Variants in RGP1 observed in about 807,000 individuals in gnomAD.
RGP1 encodes the protein RAB6A-GEF complex partner protein 2.
A neutral mutation model predicts 44.5 loss-of-function variants in RGP1; 28 were observed. The ratio of observed to expected loss-of-function variants is 0.63; its 90% CI spans 0.47 to 0.86. The LOEUF is 0.86. Ranked by LOEUF, RGP1 falls within the 40% of genes least tolerant of loss-of-function variation. The pLI is 0.00. For synonymous variants in RGP1, 212 were observed against 196.7 expected (o/e 1.08, Z -0.65); for missense variants, 417 against 490.7 (o/e 0.85, Z 1.42).
Position 35,755,092 on chromosome 9 carries a change from T to C in RGP1, c.*2218T>C, listed in dbSNP as rs1469211411. On this transcript the variant is annotated 3_prime_UTR_variant, in exon 9 of 9. Coordinates refer to ENST00000378078, the MANE Select transcript of RGP1 (RefSeq NM_001080496.3). ...TTCTGGAGGAGCCCAGGATGGATTA[T>C]TGAGAGCATGGGCTGTAGAGACAGT... The C allele has an allele frequency of 1.3e-5, 2 of 152,260 alleles. No homozygotes were observed. Among genetic ancestry groups the C allele is most frequent in the African/African-American group, 2.4e-5 (1 of 41,468 alleles). The allele number at this position is 152,260 out of a possible 1,614,324, so 9.4% of individuals were successfully genotyped here. A position where few individuals can be genotyped will look rare whatever the true frequency, so the allele number is the denominator to read the frequency against.
the RGP1 span, among the ~76,000 whole-genome samples, chr9:35,775,560 G>C: frequency 2.0e-5 from 3 of 152,092 alleles, no homozygotes; most frequent in East Asian, 5.8e-4. Flanking sequence ...ATCTGTGGAG[G>C]GAATGGGAAG....
chr9:35,766,446 T>A, the RGP1 span, among the ~76,000 whole-genome samples: 5 of 152,204 alleles, frequency 3.3e-5, no homozygotes, highest in African/African-American at 1.2e-4. Flanking sequence ...TTATTTTCTT[T>A]ATAGTGTCTT....
At chr9:35,787,246 T>C in the RGP1 span, among the ~76,000 whole-genome samples, 4 of 152,198 alleles carry the variant, frequency 2.6e-5, no homozygotes, top group Non-Finnish European at 5.9e-5. Context: ...CCCTTTTTTT[T>C]TGAGATGGAG....
Position 35,749,529 on chromosome 9 carries a change from G to T in RGP1, c.-20+121G>T. 5 of 678,048 alleles carry T rather than the reference G, an allele frequency of 7.4e-6. No individual in the cohort carries two copies. Among genetic ancestry groups the T allele is most frequent in the Non-Finnish European group, 1.4e-5 (5 of 361,764 alleles). The allele number at this position is 678,048 out of a possible 1,614,324, so 42.0% of individuals were successfully genotyped here. ...AAGAACCCGTCGCACAGGGGCTGGG[G>T]TCTAGGGCCCAGAGCGATGTCCTCC... On this transcript the variant is annotated intron_variant, in intron 1 of 8. Transcript: ENST00000378078. This position sits in a 1 kb window ranked among gnomAD's most constrained non-coding sequence, Gnocchi z 4.4.
Position 35,753,788 on chromosome 9 carries a change from GT to G in RGP1, c.*916del. ...AGGGGGCTAGGGAAGAACGGGAAAT[GT>G]TAGTAGGTGTAGGAGTGCTGATGAG... is the stretch of plus-strand genomic sequence containing the variant. On this transcript the variant is annotated 3_prime_UTR_variant, in exon 9 of 9. Coordinates refer to ENST00000378078, the MANE Select transcript of RGP1 (RefSeq NM_001080496.3). This position sits in a 1 kb window ranked among gnomAD's most constrained non-coding sequence, Gnocchi z 4.2. 6.2e-7 allele frequency: 1 copy of G among 1,605,172 alleles called. No homozygotes were observed. The highest frequency in any genetic ancestry group is 1.1e-5 in the South Asian group (1 of 90,802).
At position 35,756,491 on chromosome 9, in the gene RGP1, A is replaced by C. The variant is rs895269395; in HGVS notation, c.*3617A>C. The C allele has an allele frequency of 9.2e-5, 14 of 152,240 alleles. No homozygotes were observed. Among genetic ancestry groups the C allele is most frequent in the Non-Finnish European group, 1.8e-4 (12 of 68,222 alleles). The allele number at this position is 152,240 out of a possible 1,614,324, so 9.4% of individuals were successfully genotyped here. On this transcript the variant is annotated 3_prime_UTR_variant, in exon 9 of 9. Coordinates refer to ENST00000378078, the MANE Select transcript of RGP1 (RefSeq NM_001080496.3). Reference sequence around the variant, plus strand: ...CGTTTCAGAGGATTGCCAAGAAAAAACTCACAGTTGAGGCAGGGTGCTCTG... The same window carrying C: ...CGTTTCAGAGGATTGCCAAGAAAAACCTCACAGTTGAGGCAGGGTGCTCTG...
At chr9:35,766,044 A>G in the RGP1 span, among the ~76,000 whole-genome samples, 1 of 151,160 alleles carries the variant, frequency 6.6e-6, no homozygotes, top group African/African-American at 2.4e-5. Flanking sequence ...CATGTTAGCC[A>G]GGATGATCTC....
downstream of RGP1, among the ~76,000 whole-genome samples, chr9:35,761,499 T>A: frequency 6.6e-6 from 1 of 152,036 alleles, no homozygotes; most frequent in East Asian, 1.9e-4. Flanking sequence ...GACAAAACCC[T>A]GTCTCTACAA....
the RGP1 span, among the ~76,000 whole-genome samples, chr9:35,770,599 G>A: frequency 2.0e-5 from 3 of 151,704 alleles, no homozygotes; most frequent in Non-Finnish European, 4.4e-5. Context: ...CCCAGGGGCA[G>A]GTAGAGAAGG....
the RGP1 span, among the ~76,000 whole-genome samples, chr9:35,787,239 T>C: frequency 1.4e-5 from 2 of 138,254 alleles, no homozygotes; most frequent in African/African-American, 6.8e-5. Flanking sequence ...CGCTGCCCCC[T>C]TTTTTTTTGA....
chr9:35,787,483 GC>G, the RGP1 span, among the ~76,000 whole-genome samples: 1 of 152,208 alleles, frequency 6.6e-6, no homozygotes, highest in Non-Finnish European at 1.5e-5. Context: ...GCCTGCCTTG[GC>G]CTCCCAAAGT....
At chr9:35,769,655 A>G in the RGP1 span, among the ~76,000 whole-genome samples, 1 of 152,208 alleles carries the variant, frequency 6.6e-6, no homozygotes. Context: ...AGAAAGTTTC[A>G]GGCAGAAGGA....
At chr9:35,785,844 A>C in the RGP1 span, among the ~76,000 whole-genome samples, 1 of 151,930 alleles carries the variant, frequency 6.6e-6, no homozygotes, top group South Asian at 2.1e-4. Context: ...TCGGCCACCA[A>C]ATTCTGTTGT....
the RGP1 span, among the ~76,000 whole-genome samples, chr9:35,787,767 T>A: frequency 3.9e-4 from 60 of 152,262 alleles, no homozygotes; most frequent in Non-Finnish European, 7.1e-4. Context: ...TTTTTCTACA[T>A]TACTTTCTCC....
chr9:35,749,696 T>C lies in RGP1; in HGVS notation c.-19-41T>C. ...AGGTGCTCACCGCAACGCCCCTCCC[T>C]GTCAAGGTGCTGACCTCCGCCCCGC... On this transcript the variant is annotated intron_variant, in intron 1 of 8. Transcript: ENST00000378078. The surrounding 1 kb of genome is among the most constrained non-coding windows in gnomAD (Gnocchi z 4.4). The C allele has an allele frequency of 4.0e-6, 5 of 1,245,558 alleles. No individual in the cohort carries two copies. The South Asian group carries it at 6.2e-5, about 15-fold the overall frequency. The allele number at this position is 1,245,558 out of a possible 1,614,324, so 77.2% of individuals were successfully genotyped here.
the RGP1 span, among the ~76,000 whole-genome samples, chr9:35,766,502 T>C: frequency 2.0e-5 from 3 of 152,218 alleles, no homozygotes. Flanking sequence ...AATGTTTTGC[T>C]TTTTTCTTGT....
chr9:35,789,298 G>T, the RGP1 span, among the ~76,000 whole-genome samples: 4 of 149,766 alleles, frequency 2.7e-5, no homozygotes, highest in African/African-American at 9.8e-5. Flanking sequence ...GATTACAGGC[G>T]TGAGCCACTG....
At chr9:35,774,588 T>G in the RGP1 span, among the ~76,000 whole-genome samples, 40 of 152,008 alleles carry the variant, frequency 2.6e-4, no homozygotes, top group African/African-American at 6.8e-4. Flanking sequence ...GCCGGGCGTG[T>G]TGGCGGGCGC....
Position 35,752,005 on chromosome 9 carries a change from G to A in RGP1, c.812G>A (p.Arg271Gln), listed in dbSNP as rs538311148. The change falls in exon 8 of 9, where the codon CGG becomes CAG. Residue 271 changes from arginine to glutamine, a missense_variant. By Grantham distance (43) the Arg-to-Gln change is conservative (BLOSUM62 1). Transcript: ENST00000378078. ...TEERVQPEYQ[R>Q]RRGAGGVPSV... is the part of the protein sequence containing the mutation. Reference sequence around the variant, plus strand: ...GAGCGTGTACAGCCTGAGTACCAGCGGCGACGTGGGGCAGGGGGTGTCCCC... The same window carrying A: ...GAGCGTGTACAGCCTGAGTACCAGCAGCGACGTGGGGCAGGGGGTGTCCCC... The A allele has an allele frequency of 1.3e-4, 211 of 1,603,278 alleles. 1 individual carries two copies. The South Asian group carries it at 2.0e-3, about 15-fold the overall frequency.
Sources: allele counts gnomAD v4.1 joint callset (sites outside exome capture counted in the v4.1 genomes callset), GRCh38; gene constraint gnomAD v4.1.1; non-coding constraint Gnocchi (gnomAD v3.1); transcripts MANE v1.5; gene names NCBI Gene and HGNC (gene_info 2026-07-23, HGNC 2026-07-21).